The following ZC3H14 variants were observed in gnomAD, a reference collection of about 807,000 sequenced individuals.
ZC3H14 encodes the protein zinc finger CCCH domain-containing protein 14.
Under a neutral mutation model 92.4 loss-of-function variants are expected in ZC3H14, and 31 were observed. That is an observed-to-expected ratio of 0.34 (90% CI 0.25 to 0.45). The LOEUF is 0.45. Ranked by LOEUF, ZC3H14 falls within the 20% of genes least tolerant of loss-of-function variation. The pLI, the probability that ZC3H14 is intolerant of heterozygous loss-of-function variation, is 1.00. For synonymous variants in ZC3H14, 321 were observed against 300.9 expected, an observed-to-expected ratio of 1.07 and a Z score of -0.69; for missense variants, 781 against 897.3, an observed-to-expected ratio of 0.87 and a Z score of 1.66.
At chr14:88,578,529 A>T (rs2081456584) in intron 9 of ZC3H14, among the ~76,000 whole-genome samples, 4 of 152,222 alleles carry the variant, frequency 2.6e-5, no homozygotes, top group Admixed American at 2.6e-4. Flanking sequence ...GTGAACTCTC[A>T]TGAACCCAGT....
At position 88,621,259 on chromosome 14, in the gene ZC3H14, C is replaced by T; in HGVS notation, c.*9508C>T. ...TTACAAGCTGCATTTTTCTCTCCAA[C>T]TTCGATTATTTCAGCATTCCTTGTC... On this transcript the variant is annotated 3_prime_UTR_variant, in exon 17 of 17. Transcript: ENST00000251038. 2 of 1,613,922 alleles carry T rather than the reference C, an allele frequency of 1.2e-6. No homozygotes were observed. The highest frequency in any genetic ancestry group is 1.7e-6 in the Non-Finnish European group (2 of 1,179,874).
intron 2 of ZC3H14, among the ~76,000 whole-genome samples, chr14:88,567,206 C>T (rs1444106350): frequency 6.6e-6 from 1 of 151,130 alleles, no homozygotes; most frequent in Non-Finnish European, 1.5e-5. Context: ...AGCTCCGCCT[C>T]CTGGGTTCAC....
intron 6 of ZC3H14, 63 bp from the exon 7 acceptor site, chr14:88,574,630 T>G: frequency 6.3e-7 from 1 of 1,587,560 alleles, no homozygotes; most frequent in Non-Finnish European, 8.6e-7. Context: ...AATGGAAACA[T>G]TTTGTGGTAG....
Position 88,618,732 on chromosome 14 carries a change from G to C in ZC3H14, c.*6981G>C, listed in dbSNP as rs2088232302. On this transcript the variant is annotated 3_prime_UTR_variant, in exon 17 of 17. Coordinates refer to ENST00000251038, the MANE Select transcript of ZC3H14 (RefSeq NM_024824.5). The stretch of plus-strand genomic sequence containing the variant: ...TTTGCAGTAGCTGATTCTGTTAAGA[G>C]TGGGGCCCAGCGTTAGGTCATAAAA... 1 of 1,609,084 alleles carries C rather than the reference G, an allele frequency of 6.2e-7. No homozygotes were observed. Among genetic ancestry groups the C allele is most frequent in the African/African-American group, 1.3e-5 (1 of 75,008 alleles).
Position 88,611,881 on chromosome 14 carries a change from C to CCTAT in ZC3H14, c.*137_*140dup, listed in dbSNP as rs3834529. On this transcript the variant is annotated 3_prime_UTR_variant, in exon 17 of 17. Transcript: ENST00000251038. ...GCTTTCATAATATGAAGTTTTATTGCCTATCTATCTGAAGTGTCTAATTTT... is the reference window on the plus strand; with the variant it reads ...GCTTTCATAATATGAAGTTTTATTGCCTATCTATCTATCTGAAGTGTCTAATTTT... 3,137 of 1,267,406 alleles carry CCTAT rather than the reference C, an allele frequency of 2.5e-3. 46 individuals are homozygous for CCTAT. In the African/African-American group the frequency reaches 0.041, roughly 16 times the overall value. 78.5% of individuals were successfully genotyped at this position (1,267,406 alleles called of 1,614,324 possible).
chr14:88,566,426 C>T (rs112293901), intron 2 of ZC3H14, among the ~76,000 whole-genome samples: 38 of 152,054 alleles, frequency 2.5e-4, no homozygotes, highest in African/African-American at 7.5e-4. Context: ...CTTTCATAAA[C>T]GATTTGTTGT....
intron 9 of ZC3H14, among the ~76,000 whole-genome samples, chr14:88,580,042 A>G (rs1322992194): frequency 6.6e-6 from 1 of 152,092 alleles, no homozygotes; most frequent in East Asian, 1.9e-4. Flanking sequence ...GACAAAAAAT[A>G]AAAATATTAG....
chr14:88,594,418 C>G (rs1448933604), intron 9 of ZC3H14: 1 of 1,159,460 alleles, frequency 8.6e-7, no homozygotes, highest in Non-Finnish European at 1.1e-6. Flanking sequence ...GGAAGAGGAG[C>G]TATACAGATG....
At chr14:88,589,483 T>G (rs1042005184) in intron 9 of ZC3H14, 1 of 152,174 alleles carries the variant, frequency 6.6e-6, no homozygotes, top group African/African-American at 2.4e-5. Context: ...GACTCTCACA[T>G]TTTTATATCT....
Position 88,596,818 on chromosome 14 carries a change from G to A in ZC3H14, c.1354+10G>A, listed in dbSNP as rs1398494448. 6.2e-7 allele frequency: 1 copy of A among 1,612,618 alleles called. No homozygotes were observed. Among genetic ancestry groups the A allele is most frequent in the African/African-American group, 1.3e-5 (1 of 74,892 alleles). The stretch of plus-strand genomic sequence containing the variant: ...CTGCAGATGAGTCAAGGTTGGTAAT[G>A]TTTCAAGTTGTACTGTAATCCAGCC... On this transcript the variant is annotated intron_variant, in intron 10 of 16. Coordinates refer to ENST00000251038, the MANE Select transcript of ZC3H14 (RefSeq NM_024824.5).
At chr14:88,576,806 T>G (rs773550600) in intron 8 of ZC3H14, among the ~76,000 whole-genome samples, 3 of 152,164 alleles carry the variant, frequency 2.0e-5, no homozygotes, top group Non-Finnish European at 2.9e-5. Flanking sequence ...GTTTTCTTTT[T>G]TTGAGGCGAA....
At chr14:88,606,254 G>A (rs1382961302) in intron 12 of ZC3H14, among the ~76,000 whole-genome samples, 1 of 152,144 alleles carries the variant, frequency 6.6e-6, no homozygotes, top group African/African-American at 2.4e-5. Context: ...TGGCAACAGG[G>A]GTCCCACTTT....
chr14:88,601,861 A>G (rs1318984367), intron 10 of ZC3H14, 63 bp from the exon 11 acceptor site: 20 of 1,567,526 alleles, frequency 1.3e-5, no homozygotes, highest in Non-Finnish European at 2.6e-6. Flanking sequence ...TCTCACATAT[A>G]TAATGTTGGG....
At chr14:88,570,966 A>G in intron 3 of ZC3H14, 118 bp from the exon 4 acceptor site, 1 of 794,808 alleles carries the variant, frequency 1.3e-6, no homozygotes, top group Non-Finnish European at 1.8e-6. Flanking sequence ...AAAATAATAA[A>G]AATATAAAAA....
intron 8 of ZC3H14, among the ~76,000 whole-genome samples, chr14:88,576,393 G>A (rs984616866): frequency 6.6e-6 from 1 of 152,324 alleles, no homozygotes; most frequent in African/African-American, 2.4e-5. Context: ...GAACTCATTA[G>A]TAGAATATAA....
rs1329427035 is a variant in ZC3H14 at position 88,612,008 on chromosome 14, T to TTTGGGGCATGTTTG, written c.*259_*272dup. 1 of 537,346 alleles carries TTTGGGGCATGTTTG rather than the reference T, an allele frequency of 1.9e-6. No individual in the cohort carries two copies. The highest frequency in any genetic ancestry group is 3.2e-5 in the East Asian group (1 of 31,168). The allele number at this position is 537,346 out of a possible 1,614,324, so 33.3% of individuals were successfully genotyped here. A position where few individuals can be genotyped will look rare whatever the true frequency, so the allele number is the denominator to read the frequency against. On this transcript the variant is annotated 3_prime_UTR_variant, in exon 17 of 17. Coordinates refer to ENST00000251038, the MANE Select transcript of ZC3H14 (RefSeq NM_024824.5). The stretch of plus-strand genomic sequence containing the variant: ...GGAAGAGCTAAATTCTGTTAAAATA[T>TTTGGGGCATGTTTG]TTGGGGCATGTTTGTGCACTGCTGT...
rs1287697147 is a variant in ZC3H14, at chr14:88,614,245, G to A, written c.*2494G>A. 1 of 152,128 alleles carries A rather than the reference G, an allele frequency of 6.6e-6. No homozygotes were observed. Among genetic ancestry groups the A allele is most frequent in the Non-Finnish European group, 1.5e-5 (1 of 68,032 alleles). The allele number at this position is 152,128 out of a possible 1,614,324, so 9.4% of individuals were successfully genotyped here. A position where few individuals can be genotyped will look rare whatever the true frequency, so the allele number is the denominator to read the frequency against. The stretch of plus-strand genomic sequence containing the variant: ...ATTTATTGACTGACTGTAAATACAT[G>A]AGTAGAAACTTAATAGTCATGTATT... On this transcript the variant is annotated 3_prime_UTR_variant, in exon 17 of 17. Coordinates refer to ENST00000251038, the MANE Select transcript of ZC3H14 (RefSeq NM_024824.5).
Position 88,613,932 on chromosome 14 carries a change from G to C in ZC3H14, c.*2181G>C, listed in dbSNP as rs537702665. 8.5e-5 allele frequency: 13 copies of C among 152,206 alleles called. No individual in the cohort carries two copies. Among genetic ancestry groups the C allele is most frequent in the Non-Finnish European group, 1.3e-4 (9 of 68,056 alleles). 9.4% of individuals were successfully genotyped at this position (152,206 alleles called of 1,614,324 possible). ...GAGGTGGTCAGCTGATGACTACTTA[G>C]TCAATATGACCTTTAGTCGTGAAAC... is the stretch of plus-strand genomic sequence containing the variant. On this transcript the variant is annotated 3_prime_UTR_variant, in exon 17 of 17. Transcript: ENST00000251038.
At chr14:88,563,991 GACGGGTCTCGCT>G (rs2079234758) in intron 2 of ZC3H14, among the ~76,000 whole-genome samples, 1 of 151,886 alleles carries the variant, frequency 6.6e-6, no homozygotes, top group Non-Finnish European at 1.5e-5. Context: ...AAATTCTAGG[GACGGGTCTCGCT>G]ACGTTGCCCA....
Sources: allele counts gnomAD v4.1 joint callset (sites outside exome capture counted in the v4.1 genomes callset), GRCh38; gene constraint gnomAD v4.1.1; transcripts MANE v1.5; gene names NCBI Gene and HGNC (gene_info 2026-07-23, HGNC 2026-07-21).